The following BTBD9 variants were observed in gnomAD, a reference collection of about 807,000 sequenced individuals.
BTBD9 encodes the protein BTB/POZ domain-containing protein 9.
BTBD9 carries 49 observed loss-of-function variants against 64.3 expected under a neutral mutation model. The observed-to-expected ratio is 0.76, with a 90% CI of 0.61 to 0.97. BTBD9 has a LOEUF of 0.97. BTBD9 is among the 50% of genes least tolerant of loss of function. The pLI, the probability that BTBD9 is intolerant of heterozygous loss-of-function variation, is 0.00. For synonymous variants in BTBD9, 260 were observed against 274.7 expected (o/e 0.95, Z 0.53); for missense variants, 598 against 762.1 (o/e 0.78, Z 2.53).
chr6:38,607,495 T>A (rs1179976089), intron 1 of BTBD9, among the ~76,000 whole-genome samples: 1 of 152,132 alleles, frequency 6.6e-6, no homozygotes, highest in Non-Finnish European at 1.5e-5. Flanking sequence ...CTAATGTGGG[T>A]TTATGTATGC....
chr6:38,377,218 A>G (rs1765725141), intron 6 of BTBD9, among the ~76,000 whole-genome samples: 1 of 152,198 alleles, frequency 6.6e-6, no homozygotes, highest in South Asian at 2.1e-4. Context: ...ACTCCTTTGT[A>G]GAAGCTGAAG....
At chr6:38,581,894 T>C (rs923414330) in intron 4 of BTBD9, among the ~76,000 whole-genome samples, 2 of 152,176 alleles carry the variant, frequency 1.3e-5, no homozygotes, top group African/African-American at 4.8e-5. Context: ...GAAAACATAT[T>C]AAAAAGCACA....
chr6:38,178,844 C>CTATTTATTTATT lies in BTBD9; in HGVS notation c.1642-3674_1642-3663dup, dbSNP rs148021128. Among the ~76,000 whole-genome samples the CTATTTATTTATT allele has an allele frequency of 4.0e-3, 600 of 151,436 alleles. 2 individuals are homozygous for CTATTTATTTATT. Among genetic ancestry groups the CTATTTATTTATT allele is most frequent in the African/African-American group, 0.013 (553 of 41,186 alleles). On this transcript the variant is annotated intron_variant, in intron 10 of 10. Coordinates refer to ENST00000481247, the MANE Select transcript of BTBD9 (RefSeq NM_001099272.2). ...TCCTGATACTCTTGGACAAAGGAGG[C>CTATTTATTTATT]TATTTATTTATTTATTTATTTATTT...
At chr6:38,298,236 T>C (rs1250137728) in intron 7 of BTBD9, among the ~76,000 whole-genome samples, 3 of 152,158 alleles carry the variant, frequency 2.0e-5, no homozygotes, top group African/African-American at 7.2e-5. Flanking sequence ...GGAGGTTATA[T>C]ATACATTAAA....
chr6:38,315,023 T>C (rs1406887030), intron 7 of BTBD9, among the ~76,000 whole-genome samples: 1 of 152,112 alleles, frequency 6.6e-6, no homozygotes, highest in Non-Finnish European at 1.5e-5. Context: ...TAATTTTTTG[T>C]ATTTTTAGTA....
At chr6:38,228,155 A>T (rs1763466117) in intron 9 of BTBD9, among the ~76,000 whole-genome samples, 1 of 151,840 alleles carries the variant, frequency 6.6e-6, no homozygotes, top group South Asian at 2.1e-4. Context: ...TGAGTCCAGA[A>T]GTTTGAGACC....
intron 6 of BTBD9, among the ~76,000 whole-genome samples, chr6:38,544,590 C>T (rs943109486): frequency 1.3e-4 from 19 of 151,898 alleles, no homozygotes; most frequent in African/African-American, 4.6e-4. Flanking sequence ...AGCAGGAGCT[C>T]ATCTGGTGTG....
At chr6:38,403,061 T>C (rs528946649) in intron 6 of BTBD9, among the ~76,000 whole-genome samples, 1 of 126,124 alleles carries the variant, frequency 7.9e-6, no homozygotes, top group Non-Finnish European at 1.6e-5. Context: ...TGAAACCCTG[T>C]CCAAAGAGAG....
rs151237879 is a variant in BTBD9 at position 38,613,256 on chromosome 6, C to T, written c.-27-15135G>A. On this transcript the variant is annotated intron_variant, in intron 1 of 10. Coordinates refer to ENST00000481247, the MANE Select transcript of BTBD9 (RefSeq NM_001099272.2). ...TGCGTTTGTAACTCACATTATAGTC[C>T]TGTTTGACAGCGCTGCTTTAGAGAT... Among the ~76,000 whole-genome samples, 3 of 152,172 alleles carry T rather than the reference C, an allele frequency of 2.0e-5. No homozygotes were observed. The East Asian group carries it at 5.8e-4, about 29-fold the overall frequency.
chr6:38,521,413 T>C (rs1161021723), intron 6 of BTBD9, among the ~76,000 whole-genome samples: 2 of 152,226 alleles, frequency 1.3e-5, no homozygotes, highest in Non-Finnish European at 2.9e-5. Flanking sequence ...AGGTTGAGTA[T>C]CCTTATATGA....
chr6:38,370,041 T>C (rs569595393), intron 6 of BTBD9, among the ~76,000 whole-genome samples: 80 of 152,352 alleles, frequency 5.3e-4, no homozygotes, highest in Middle Eastern at 3.4e-3. Flanking sequence ...TAATAAGGCC[T>C]GACCATCTTT....
At chr6:38,513,629 T>C (rs1043277881) in intron 6 of BTBD9, among the ~76,000 whole-genome samples, 2 of 152,042 alleles carry the variant, frequency 1.3e-5, no homozygotes, top group African/African-American at 4.8e-5. Context: ...AAAAGATTAA[T>C]ATGAAGACAC....
At chr6:38,455,451 T>A (rs1190576724) in intron 6 of BTBD9, among the ~76,000 whole-genome samples, 2 of 152,244 alleles carry the variant, frequency 1.3e-5, no homozygotes, top group Non-Finnish European at 2.9e-5. Context: ...ATTACAGGCG[T>A]AAGCCACCGT....
At chr6:38,546,398 G>T (rs1774556310) in intron 6 of BTBD9, among the ~76,000 whole-genome samples, 1 of 152,036 alleles carries the variant, frequency 6.6e-6, no homozygotes, top group South Asian at 2.1e-4. Flanking sequence ...AATTTCCTGT[G>T]ATTTGTACTA....
chr6:38,223,790 G>A (rs1308939415), intron 9 of BTBD9, among the ~76,000 whole-genome samples: 1 of 148,086 alleles, frequency 6.8e-6, no homozygotes, highest in East Asian at 1.9e-4. Flanking sequence ...TTTTTTAAAC[G>A]AAAAATTGGT....
chr6:38,302,485 G>GTATGTATATA (rs1384155514), intron 7 of BTBD9, among the ~76,000 whole-genome samples: 10 of 106,886 alleles, frequency 9.4e-5, no homozygotes, highest in South Asian at 7.0e-4. Context: ...TTGTGTGTAT[G>GTATGTATATA]TATATATATA....
chr6:38,598,865 C>G (rs952569904), intron 1 of BTBD9, among the ~76,000 whole-genome samples: 1 of 151,968 alleles, frequency 6.6e-6, no homozygotes, highest in African/African-American at 2.4e-5. Flanking sequence ...TGCTGTGAGT[C>G]GAGATGGCGC....
intron 6 of BTBD9, among the ~76,000 whole-genome samples, chr6:38,456,118 G>C (rs561624798): frequency 6.6e-6 from 1 of 152,132 alleles, no homozygotes; most frequent in African/African-American, 2.4e-5. Flanking sequence ...CTCCTGAGTA[G>C]CTGGGATTAC....
At chr6:38,293,960 C>T (rs944035873) in intron 7 of BTBD9, among the ~76,000 whole-genome samples, 2 of 151,590 alleles carry the variant, frequency 1.3e-5, no homozygotes, top group Non-Finnish European at 2.9e-5. Context: ...CAAGGAACTT[C>T]AACAAATTTA....
Sources: allele counts gnomAD v4.1 joint callset (sites outside exome capture counted in the v4.1 genomes callset), GRCh38; gene constraint gnomAD v4.1.1; transcripts MANE v1.5; gene names NCBI Gene and HGNC (gene_info 2026-07-23, HGNC 2026-07-21).